RBL1: variants seen among roughly 807,000 people sequenced by gnomAD.
RBL1 encodes the protein RB transcriptional corepressor like 1.
Under a neutral mutation model 123.0 loss-of-function variants are expected in RBL1, and 82 were observed. That is an observed-to-expected ratio of 0.67 (90% CI 0.56 to 0.80). RBL1 has a LOEUF of 0.80. Ranked by LOEUF, RBL1 falls within the 30% of genes least tolerant of loss-of-function variation. RBL1 has a pLI of 0.00. For synonymous variants in RBL1, 405 were observed against 441.3 expected, an observed-to-expected ratio of 0.92 and a Z score of 1.03; for missense variants, 1,171 against 1,299.6, an observed-to-expected ratio of 0.90 and a Z score of 1.52.
chr20:37,053,689 CAGTT>C (rs1176185165), intron 11 of RBL1, among the ~76,000 whole-genome samples: 1 of 152,126 alleles, frequency 6.6e-6, no homozygotes, highest in Non-Finnish European at 1.5e-5. Context: ...CTGTTTATAT[CAGTT>C]AGCCTATGGT....
chr20:37,009,712 T>C (rs1012248995), intron 19 of RBL1, among the ~76,000 whole-genome samples: 2 of 152,116 alleles, frequency 1.3e-5, no homozygotes, highest in East Asian at 1.9e-4. Context: ...ACAGAGACTA[T>C]AGTGTCTCTA....
chr20:37,026,446 C>A (rs922882629), intron 16 of RBL1, among the ~76,000 whole-genome samples: 1 of 152,088 alleles, frequency 6.6e-6, no homozygotes, highest in Non-Finnish European at 1.5e-5. Flanking sequence ...TGGCTCATGC[C>A]TGTAATCCCA....
chr20:37,047,027 A>G (rs1394042232), intron 12 of RBL1, 26 bp downstream of exon 12: 2 of 1,564,980 alleles, frequency 1.3e-6, no homozygotes, highest in East Asian at 2.3e-5. Flanking sequence ...TTTTCATCTC[A>G]TAACAGAACT....
At chr20:37,029,512 G>A (rs569755864) in intron 16 of RBL1, among the ~76,000 whole-genome samples, 1 of 152,274 alleles carries the variant, frequency 6.6e-6, no homozygotes, top group South Asian at 2.1e-4. Context: ...AACCTGAAAG[G>A]TGTTCCTCTA....
chr20:37,027,125 C>T (rs1246295481), intron 16 of RBL1, among the ~76,000 whole-genome samples: 1 of 151,602 alleles, frequency 6.6e-6, no homozygotes, highest in South Asian at 2.1e-4. Flanking sequence ...GTGGGAGGAT[C>T]GCTTGAGCCC....
intron 2 of RBL1, among the ~76,000 whole-genome samples, chr20:37,085,047 A>T (rs1184366983): frequency 6.6e-6 from 1 of 151,504 alleles, no homozygotes; most frequent in Non-Finnish European, 1.5e-5. Context: ...GAGTCCAGGC[A>T]TGAGCTACTG....
At chr20:37,038,692 TC>T (rs1269188773) in intron 14 of RBL1, among the ~76,000 whole-genome samples, 2 of 142,828 alleles carry the variant, frequency 1.4e-5, no homozygotes, top group East Asian at 4.3e-4. Context: ...AACCTCTGCC[TC>T]CCGGGTTCAA....
chr20:37,040,834 G>A (rs1179272919), intron 13 of RBL1, among the ~76,000 whole-genome samples: 1 of 152,150 alleles, frequency 6.6e-6, no homozygotes, highest in Admixed American at 6.6e-5. Flanking sequence ...CTCTGAGGTA[G>A]GCAGTATCAT....
intron 11 of RBL1, among the ~76,000 whole-genome samples, chr20:37,055,009 T>TA (rs1390892727): frequency 6.6e-6 from 1 of 152,122 alleles, no homozygotes; most frequent in African/African-American, 2.4e-5. Context: ...GCAGCATCCT[T>TA]AAGACATCAA....
At chr20:37,083,656 AC>A in intron 2 of RBL1, among the ~76,000 whole-genome samples, 1 of 139,010 alleles carries the variant, frequency 7.2e-6, no homozygotes, top group Non-Finnish European at 1.6e-5. Flanking sequence ...AAAAAAAAAT[AC>A]AGGTGGGTGT....
chr20:37,056,152 G>A lies in RBL1; in HGVS notation c.1357C>T (p.His453Tyr). The change falls in exon 10 of 22, where the codon CAC becomes TAC. Residue 453 changes from histidine (H) to tyrosine (Y), a missense_variant. Coordinates refer to ENST00000373664, the MANE Select transcript of RBL1 (RefSeq NM_002895.5). ...TQSTDEQPGSHIDFAVNRLKL... is the reference protein window; with the variant it reads ...TQSTDEQPGSYIDFAVNRLKL... ...TGTAGTTTTCTTTTCTTACCTATGT[G>A]AGATCCTGGCTGTTCATCTGTTGAT... 6.2e-7 allele frequency: 1 copy of A among 1,606,196 alleles called. No homozygotes were observed. The highest frequency in any genetic ancestry group is 8.5e-7 in the Non-Finnish European group (1 of 1,178,660).
At chr20:37,013,109 A>G (rs996223964) in intron 19 of RBL1, among the ~76,000 whole-genome samples, 7 of 152,344 alleles carry the variant, frequency 4.6e-5, no homozygotes, top group South Asian at 2.1e-4. Context: ...CATTGAGAAC[A>G]GGCCATGATG....
chr20:37,011,701 C>G (rs1029865108), intron 19 of RBL1, among the ~76,000 whole-genome samples: 2 of 151,966 alleles, frequency 1.3e-5, no homozygotes, highest in Non-Finnish European at 2.9e-5. Flanking sequence ...TCCCAAAGTG[C>G]TGGGATTACA....
intron 21 of RBL1, among the ~76,000 whole-genome samples, chr20:37,000,649 T>G (rs1380648744): frequency 1.6e-4 from 19 of 117,542 alleles, no homozygotes; most frequent in Admixed American, 3.3e-4. Flanking sequence ...GAGGGGCGCC[T>G]CTGCCCGGCC....
At chr20:37,028,268 G>A (rs1159443304) in intron 16 of RBL1, among the ~76,000 whole-genome samples, 3 of 152,144 alleles carry the variant, frequency 2.0e-5, no homozygotes, top group Non-Finnish European at 2.9e-5. Flanking sequence ...GGGAGGGTGA[G>A]GCAGGTGAAT....
chr20:37,045,181 A>T (rs1461771053), intron 12 of RBL1, among the ~76,000 whole-genome samples: 1 of 151,838 alleles, frequency 6.6e-6, no homozygotes, highest in Non-Finnish European at 1.5e-5. Flanking sequence ...ATCTCGGCTC[A>T]CTGCAATCTC....
intron 13 of RBL1, among the ~76,000 whole-genome samples, chr20:37,042,915 A>C (rs1214033639): frequency 6.8e-6 from 1 of 146,818 alleles, no homozygotes; most frequent in Non-Finnish European, 1.5e-5. Flanking sequence ...TCCAAAAAAA[A>C]AAAAAAAAAA....
intron 20 of RBL1, among the ~76,000 whole-genome samples, chr20:37,005,973 G>A (rs965362350): frequency 3.0e-5 from 4 of 132,788 alleles, no homozygotes; most frequent in African/African-American, 1.1e-4. Context: ...GTGGCTCATT[G>A]CAGCCTTGAC....
At position 36,998,833 on chromosome 20, in the gene RBL1, G is replaced by A. The variant is rs1327357085; in HGVS notation, c.3133C>T (p.Arg1045Cys). ...ACGTCATCATTTTCTTGACAGACGC[G>A]TTTGGCAGGGGATTCTGCATCACTA... Reference protein sequence around the residue: ...IDSDAESPAKRVCQENDDVLL... With the variant: ...IDSDAESPAKCVCQENDDVLL... Residue 1045 changes from arginine (R) to cysteine (C), a missense_variant, in exon 22 of 22, where the codon CGC becomes TGC. Transcript: ENST00000373664. The A allele has an allele frequency of 3.1e-6, 5 of 1,613,308 alleles. No individual in the cohort carries two copies. The highest frequency in any genetic ancestry group is 4.2e-6 in the Non-Finnish European group (5 of 1,179,482).
Sources: gnomAD v4.1 joint callset for allele counts (sites outside exome capture counted in the v4.1 genomes callset) on GRCh38, gnomAD v4.1.1 for gene constraint, MANE v1.5 for transcripts, NCBI Gene and HGNC (gene_info 2026-07-23, HGNC 2026-07-21) for gene names.